Variants in PSMC3 observed in about 807,000 individuals in gnomAD.
PSMC3 encodes the protein proteasome 26S subunit, ATPase 3, also known as 26S proteasome regulatory subunit 6A.
In PSMC3, 11 loss-of-function variants were observed where a neutral mutation model predicts 52.0. That is an observed-to-expected ratio of 0.21 (90% CI 0.13 to 0.35). The LOEUF is 0.35. Among genes scored for constraint, PSMC3 ranks in the 10% least tolerant of loss-of-function variants. The pLI is 1.00. For missense variants in PSMC3, 238 were observed against 567.1 expected (o/e 0.42, Z 5.89); for synonymous variants, 201 against 218.8 (o/e 0.92, Z 0.72).
At chr11:47,420,492 C>A in intron 9 of PSMC3, 83 bp from the exon 10 acceptor site, 1 of 1,549,036 alleles carries the variant, frequency 6.5e-7, no homozygotes, top group Non-Finnish European at 8.8e-7. Context: ...AGAGGCAGCC[C>A]CCAGAGTGCA....
chr11:47,424,369 CG>C lies in PSMC3; in HGVS notation c.453+59del. 6.3e-7 allele frequency: 1 copy of C among 1,582,452 alleles called. No individual in the cohort carries two copies. Among genetic ancestry groups the C allele is most frequent in the Non-Finnish European group, 8.7e-7 (1 of 1,152,034 alleles). ...ATTCAGAGCCAACAGTGACCTGGGG[CG>C]GGTACAGGGGCTCAGCTAGTCACCA... On this transcript the variant is annotated intron_variant, in intron 5 of 11. Transcript: ENST00000298852. This position sits in a 1 kb window ranked among gnomAD's most constrained non-coding sequence, Gnocchi z 4.8.
chr11:47,419,219 C>T (rs775803108), intron 10 of PSMC3, 22 bp from the exon 11 acceptor site: 2 of 1,613,156 alleles, frequency 1.2e-6, no homozygotes, highest in Admixed American at 1.7e-5. Context: ...ACAGATACCA[C>T]AGGCTCAGTG....
chr11:47,425,275 T>C, intron 2 of PSMC3, 29 bp from the exon 3 acceptor site: 1 of 1,613,348 alleles, frequency 6.2e-7, no homozygotes, highest in Non-Finnish European at 8.5e-7. Context: ...GAGAAGCAAA[T>C]ATAAACCCTG....
At position 47,426,388 on chromosome 11, in the gene PSMC3, ATCCC is replaced by A; in HGVS notation, c.-113_-110del. 1.9e-6 allele frequency: 2 copies of A among 1,028,068 alleles called. No individual in the cohort carries two copies. Among genetic ancestry groups the A allele is most frequent in the Non-Finnish European group, 2.8e-6 (2 of 719,122 alleles). 63.7% of individuals were successfully genotyped at this position (1,028,068 alleles called of 1,614,324 possible). A position where few individuals can be genotyped will look rare whatever the true frequency, so the allele number is the denominator to read the frequency against. ...ACCAGTGGAAAACCTCTCCCCACAA[ATCCC>A]GACTCTTGACCCGACCAGCTCCGGC... On this transcript the variant is annotated 5_prime_UTR_variant, in exon 1 of 12. Coordinates refer to ENST00000298852, the MANE Select transcript of PSMC3 (RefSeq NM_002804.5).
In PSMC3 at chr11:47,426,223, G is replaced by T. The variant is rs866216425; in HGVS notation, c.57C>A (p.Thr19=). 2 of 1,560,466 alleles carry T rather than the reference G, an allele frequency of 1.3e-6. No homozygotes were observed. Among genetic ancestry groups the T allele is most frequent in the Admixed American group, 3.9e-5 (2 of 51,918 alleles). ...TGCCCACCTCGGCCTCATCCCACAC[G>T]GTCGCCATCTTCTCCTGCCGAGTCA... ...SPVTRQEKMA[T]VWDEAEQDGI... Residue 19 remains threonine, a synonymous_variant, in exon 1 of 12, where the codon ACC becomes ACA. Transcript: ENST00000298852.
intron 6 of PSMC3, among the ~76,000 whole-genome samples, chr11:47,423,332 C>T (rs573121067): frequency 5.6e-4 from 84 of 151,250 alleles, no homozygotes; most frequent in African/African-American, 1.7e-3. Context: ...ACCCGGGACG[C>T]GGAGCTCGTA....
intron 6 of PSMC3, among the ~76,000 whole-genome samples, chr11:47,423,278 G>A (rs1264927128): frequency 6.6e-6 from 1 of 152,120 alleles, no homozygotes; most frequent in East Asian, 1.9e-4. Context: ...TCGGGTGCCT[G>A]TAGTCCCAGC....
chr11:47,420,795 C>G (rs933255826), intron 8 of PSMC3, 68 bp from the exon 9 acceptor site: 1 of 1,424,496 alleles, frequency 7.0e-7, no homozygotes, highest in African/African-American at 1.4e-5. Flanking sequence ...CTCCTCTACC[C>G]CCTGGAAGCC....
chr11:47,420,437 G>A lies in PSMC3; in HGVS notation c.982-28C>T, dbSNP rs760250890. ...GAGGAAGAGAAGCCACAACTTGAAA[G>A]GAGCAAGGTGTTCACAGATGGGCAG... is the stretch of plus-strand genomic sequence containing the variant. On this transcript the variant is annotated intron_variant, in intron 9 of 11. Coordinates refer to ENST00000298852, the MANE Select transcript of PSMC3 (RefSeq NM_002804.5). The A allele has an allele frequency of 8.1e-6, 13 of 1,600,404 alleles. No individual in the cohort carries two copies. In the South Asian group the frequency reaches 1.2e-4, roughly 15 times the overall value.
At chr11:47,425,816 G>A (rs2096045743) in intron 2 of PSMC3, 51 bp downstream of exon 2, 2 of 1,518,240 alleles carry the variant, frequency 1.3e-6, no homozygotes, top group South Asian at 1.2e-5. Flanking sequence ...TCGGATCGCC[G>A]GGGCCTGTCC....
In PSMC3 at chr11:47,422,474, G is replaced by T; in HGVS notation, c.884+100C>A. Reference sequence around the variant, plus strand: ...GAGCCACCATCCAGGGGCAGGAGGGGATACAGGGTGGGAAGGAACCACAAT... The same window carrying T: ...GAGCCACCATCCAGGGGCAGGAGGGTATACAGGGTGGGAAGGAACCACAAT... On this transcript the variant is annotated intron_variant, in intron 8 of 11. Transcript: ENST00000298852. The surrounding 1 kb of genome is among the most constrained non-coding windows in gnomAD (Gnocchi z 4.3). 1 of 1,429,914 alleles carries T rather than the reference G, an allele frequency of 7.0e-7. No individual in the cohort carries two copies. Among genetic ancestry groups the T allele is most frequent in the African/African-American group, 1.4e-5 (1 of 71,058 alleles). 88.6% of individuals were successfully genotyped at this position (1,429,914 alleles called of 1,614,324 possible).
At chr11:47,423,821 G>A (rs1026304709) in intron 6 of PSMC3, among the ~76,000 whole-genome samples, 7 of 148,894 alleles carry the variant, frequency 4.7e-5, no homozygotes, top group Non-Finnish European at 1.0e-4. Context: ...ACTGGGCCAA[G>A]AACCAGGAGC....
rs1188539063 is a variant in PSMC3 at position 47,422,764 on chromosome 11, T to C, written c.736-42A>G. On this transcript the variant is annotated intron_variant, in intron 7 of 11. Transcript: ENST00000298852. This position sits in a 1 kb window ranked among gnomAD's most constrained non-coding sequence, Gnocchi z 4.3. ...GTAGAGTCAGGTCAAAGGCAGACCC[T>C]TTGAGCCCATCTGGTAGAGTTTCTG... 1.2e-6 allele frequency: 2 copies of C among 1,611,208 alleles called. No homozygotes were observed. Among genetic ancestry groups the C allele is most frequent in the Non-Finnish European group, 1.7e-6 (2 of 1,177,926 alleles).
intron 6 of PSMC3, 135 bp from the exon 7 acceptor site, chr11:47,423,108 G>A (rs2096042592): frequency 6.0e-6 from 6 of 993,374 alleles, no homozygotes; most frequent in Non-Finnish European, 8.8e-6. Flanking sequence ...CCCATATCAA[G>A]AGGACACAAG....
In PSMC3 at chr11:47,418,911, A is replaced by G. The variant is rs1304723915; in HGVS notation, c.1244T>C (p.Leu415Pro). 6.2e-7 allele frequency: 1 copy of G among 1,613,994 alleles called. No homozygotes were observed. Among genetic ancestry groups the G allele is most frequent in the Non-Finnish European group, 8.5e-7 (1 of 1,180,022 alleles). The change falls in exon 12 of 12, where the codon CTC becomes CCC. Residue 415 changes from leucine to proline, a missense_variant. Coordinates refer to ENST00000298852, the MANE Select transcript of PSMC3 (RefSeq NM_002804.5). ...GCCTTCCATGTAGTCCTCGTGGGTG[A>G]GCTCCGTGGCACCCCTGCGCAGTGC... ...MIALRRGATE[L>P]THEDYMEGIL...
chr11:47,419,229 G>A, intron 10 of PSMC3, 32 bp from the exon 11 acceptor site: 2 of 1,611,018 alleles, frequency 1.2e-6, no homozygotes, highest in South Asian at 2.2e-5. Context: ...CAGGCTCAGT[G>A]GCTTATGCGG....
rs766654467 is a variant in PSMC3 at position 47,424,194 on chromosome 11, A to G, written c.454-11T>C. 1.2e-6 allele frequency: 2 copies of G among 1,614,230 alleles called. No homozygotes were observed. Among genetic ancestry groups the G allele is most frequent in the South Asian group, 1.1e-5 (1 of 91,088 alleles). On this transcript the variant is annotated splice_polypyrimidine_tract_variant and intron_variant, in intron 5 of 11. Transcript: ENST00000298852. This position sits in a 1 kb window ranked among gnomAD's most constrained non-coding sequence, Gnocchi z 4.8. Reference sequence around the variant, plus strand: ...GTCTTTGTTCACACCCTAAGGACACAGCACAGGGCCTTCAGATTTGGCCCA... The same window carrying G: ...GTCTTTGTTCACACCCTAAGGACACGGCACAGGGCCTTCAGATTTGGCCCA...
chr11:47,426,211 C>T lies in PSMC3; in HGVS notation c.69G>A (p.Glu23=). ...CAGCTCGCCCGGTGCCCACCTCGGC[C>T]TCATCCCACACGGTCGCCATCTTCT... ...RQEKMATVWD[E]AEQDGIGEEV... Residue 23 remains glutamate, a synonymous_variant, in exon 1 of 12, where the codon GAG becomes GAA. Coordinates refer to ENST00000298852, the MANE Select transcript of PSMC3 (RefSeq NM_002804.5). The T allele has an allele frequency of 2.6e-6, 4 of 1,559,296 alleles. No individual in the cohort carries two copies. Among genetic ancestry groups the T allele is most frequent in the Non-Finnish European group, 3.5e-6 (4 of 1,152,458 alleles).
intron 10 of PSMC3, among the ~76,000 whole-genome samples, chr11:47,419,719 C>T (rs7120501): frequency 0.98 from 149,407 of 151,814 alleles, 73,542 homozygotes; most frequent in Non-Finnish European, 1. Context: ...ATTAGCCGGG[C>T]GTGGTGGCGG....
Sources: gnomAD v4.1 joint callset for allele counts (sites outside exome capture counted in the v4.1 genomes callset) on GRCh38, gnomAD v4.1.1 for gene constraint, Gnocchi (gnomAD v3.1) non-coding constraint, MANE v1.5 for transcripts, NCBI Gene and HGNC (gene_info 2026-07-23, HGNC 2026-07-21) for gene names.